Variants in L3MBTL4 observed in about 807,000 individuals in gnomAD.
L3MBTL4 encodes the protein L3MBTL histone methyl-lysine binding protein 4.
In L3MBTL4, 70 loss-of-function variants were observed where a neutral mutation model predicts 84.5. The observed-to-expected ratio is 0.83, with a 90% CI of 0.68 to 1.01. The LOEUF is 1.01. Among genes scored for constraint, L3MBTL4 ranks in the 50% least tolerant of loss-of-function variants. The probability of loss-of-function intolerance (pLI) is 0.00; values close to 1 mark genes in which losing one functional copy is unlikely to be tolerated. For missense variants in L3MBTL4, 715 were observed against 754.8 expected, an observed-to-expected ratio of 0.95 and a Z score of 0.62; for synonymous variants, 274 against 259.8, an observed-to-expected ratio of 1.05 and a Z score of -0.52.
intron 1 of L3MBTL4, among the ~76,000 whole-genome samples, chr18:6,380,514 G>T (rs543656653): frequency 1.3e-3 from 201 of 152,250 alleles, no homozygotes; most frequent in African/African-American, 4.5e-3. Context: ...CTGGTACATT[G>T]TGTTGTTGTT....
intron 1 of L3MBTL4, among the ~76,000 whole-genome samples, chr18:6,383,372 T>G (rs1356889174): frequency 7.9e-5 from 12 of 152,134 alleles, no homozygotes; most frequent in Non-Finnish European, 1.3e-4. Context: ...AAAAAACTCC[T>G]GCAGCTAGTT....
At chr18:6,048,653 G>A (rs930340954) in intron 16 of L3MBTL4, among the ~76,000 whole-genome samples, 1 of 152,028 alleles carries the variant, frequency 6.6e-6, no homozygotes, top group African/African-American at 2.4e-5. Flanking sequence ...GCCGGGTGTG[G>A]TGGCGGGCAC....
chr18:6,072,762 A>T (rs1262981038), intron 16 of L3MBTL4, among the ~76,000 whole-genome samples: 1 of 148,124 alleles, frequency 6.8e-6, no homozygotes, highest in Non-Finnish European at 1.5e-5. Flanking sequence ...AGGCTGAAGC[A>T]GGAGTATGGC....
At chr18:6,042,693 C>T (rs2145727854) in intron 16 of L3MBTL4, among the ~76,000 whole-genome samples, 1 of 152,358 alleles carries the variant, frequency 6.6e-6, no homozygotes, top group Non-Finnish European at 1.5e-5. Context: ...TCAAACCCTT[C>T]TTCCTTTGGC....
chr18:6,208,528 C>G (rs1415708872), intron 12 of L3MBTL4, among the ~76,000 whole-genome samples: 1 of 152,204 alleles, frequency 6.6e-6, no homozygotes, highest in Non-Finnish European at 1.5e-5. Flanking sequence ...CATTTCACAG[C>G]TTAGCTGCAT....
rs936112991 is a variant in L3MBTL4 at position 5,955,642 on chromosome 18, T to A, written c.*578A>T. 1 of 152,238 alleles carries A rather than the reference T, an allele frequency of 6.6e-6. No homozygotes were observed. The highest frequency in any genetic ancestry group is 1.5e-5 in the Non-Finnish European group (1 of 68,044). 9.4% of individuals were successfully genotyped at this position (152,238 alleles called of 1,614,324 possible). A position where few individuals can be genotyped will look rare whatever the true frequency, so the allele number is the denominator to read the frequency against. On this transcript the variant is annotated 3_prime_UTR_variant, in exon 19 of 19. Coordinates refer to ENST00000317931, the MANE Select transcript of L3MBTL4 (RefSeq NM_001330559.2). Reference sequence around the variant, plus strand: ...TGGTTAATGGAACAAAAAGGAGAATTAATGAATCATGAAAACATGTGCTTA... The same window carrying A: ...TGGTTAATGGAACAAAAAGGAGAATAAATGAATCATGAAAACATGTGCTTA...
intron 3 of L3MBTL4, among the ~76,000 whole-genome samples, chr18:6,309,634 G>A (rs1468387131): frequency 2.0e-5 from 3 of 152,184 alleles, no homozygotes; most frequent in Non-Finnish European, 2.9e-5. Context: ...CCAATGTGGG[G>A]TAGAAATAAT....
At chr18:6,219,347 G>A (rs1347541661) in intron 10 of L3MBTL4, among the ~76,000 whole-genome samples, 5 of 151,728 alleles carry the variant, frequency 3.3e-5, no homozygotes, top group African/African-American at 1.2e-4. Context: ...ACAGCGAGAG[G>A]GCGGGACTGT....
At chr18:6,392,530 C>T (rs2055099631) in intron 1 of L3MBTL4, among the ~76,000 whole-genome samples, 1 of 152,094 alleles carries the variant, frequency 6.6e-6, no homozygotes, top group South Asian at 2.1e-4. Flanking sequence ...GCCTGGGCAA[C>T]AGAACGAGAG....
chr18:6,180,915 T>C (rs1249817262), intron 12 of L3MBTL4, among the ~76,000 whole-genome samples: 1 of 152,220 alleles, frequency 6.6e-6, no homozygotes, highest in South Asian at 2.1e-4. Context: ...GTATGTGGTA[T>C]GTACACGCAA....
rs150506490 is a variant in L3MBTL4, at chr18:6,275,048, G to C, written c.128-11010C>G. Among the ~76,000 whole-genome samples, 86 of 152,272 alleles carry C rather than the reference G, an allele frequency of 5.6e-4. 1 individual carries two copies. Among genetic ancestry groups the C allele is most frequent in the African/African-American group, 2.0e-3 (83 of 41,552 alleles). On this transcript the variant is annotated intron_variant, in intron 4 of 18. Coordinates refer to ENST00000317931, the MANE Select transcript of L3MBTL4 (RefSeq NM_001330559.2). ...CTTTGAAATCCAAAGGCATCTAAAGGAGACTTAGGAGGAACCCTCTAGAGA... is the reference window on the plus strand; with the variant it reads ...CTTTGAAATCCAAAGGCATCTAAAGCAGACTTAGGAGGAACCCTCTAGAGA...
intron 16 of L3MBTL4, among the ~76,000 whole-genome samples, chr18:6,038,724 C>G (rs939851888): frequency 1.3e-5 from 2 of 152,140 alleles, no homozygotes; most frequent in Non-Finnish European, 2.9e-5. Flanking sequence ...CACTGAACTA[C>G]AAATATTATT....
intron 12 of L3MBTL4, among the ~76,000 whole-genome samples, chr18:6,199,658 C>T (rs1407731000): frequency 6.6e-6 from 1 of 152,190 alleles, no homozygotes; most frequent in Non-Finnish European, 1.5e-5. Context: ...ATGCTATCCA[C>T]AGCTCCGGGC....
chr18:6,153,615 A>G (rs927819261), intron 13 of L3MBTL4, among the ~76,000 whole-genome samples: 5 of 152,036 alleles, frequency 3.3e-5, no homozygotes, highest in Non-Finnish European at 7.4e-5. Context: ...AGGGATTTTG[A>G]TATGGTTTGG....
chr18:6,199,115 A>G (rs2045536023), intron 12 of L3MBTL4, among the ~76,000 whole-genome samples: 1 of 152,236 alleles, frequency 6.6e-6, no homozygotes, highest in Admixed American at 6.5e-5. Context: ...TAGTTGACCT[A>G]AAGAGACAAG....
At chr18:6,404,585 C>A (rs1162328126) in intron 1 of L3MBTL4, among the ~76,000 whole-genome samples, 4 of 152,138 alleles carry the variant, frequency 2.6e-5, no homozygotes, top group African/African-American at 7.2e-5. Context: ...CTATGGGGAC[C>A]TTCATTACGG....
intron 12 of L3MBTL4, among the ~76,000 whole-genome samples, chr18:6,212,076 A>C (rs2046132031): frequency 1.3e-5 from 2 of 152,276 alleles, no homozygotes; most frequent in African/African-American, 4.8e-5. Context: ...AATAAGAGTT[A>C]AAGCAATATG....
chr18:6,365,489 G>A (rs1251838826), intron 1 of L3MBTL4, among the ~76,000 whole-genome samples: 1 of 152,120 alleles, frequency 6.6e-6, no homozygotes, highest in Non-Finnish European at 1.5e-5. Flanking sequence ...TATTCTACTG[G>A]CCATGTCCTA....
chr18:6,199,607 T>A (rs2045563519), intron 12 of L3MBTL4, among the ~76,000 whole-genome samples: 1 of 152,138 alleles, frequency 6.6e-6, no homozygotes, highest in Non-Finnish European at 1.5e-5. Context: ...CCTATTGCCA[T>A]GAGACGGGAA....
Sources: gnomAD v4.1 joint callset for allele counts (sites outside exome capture counted in the v4.1 genomes callset) on GRCh38, gnomAD v4.1.1 for gene constraint, MANE v1.5 for transcripts, NCBI Gene and HGNC (gene_info 2026-07-23, HGNC 2026-07-21) for gene names.